NRG3: variants seen among roughly 807,000 people sequenced by gnomAD.
NRG3 encodes the protein neuregulin 3.
Under a neutral mutation model 66.9 loss-of-function variants are expected in NRG3, and 31 were observed. The observed-to-expected ratio is 0.46, with a 90% CI of 0.35 to 0.63. The LOEUF (loss-of-function observed/expected upper bound fraction) is 0.63. NRG3 is among the 20% of genes least tolerant of loss of function. The pLI is 0.00. For missense variants in NRG3, 910 were observed against 878.9 expected, an observed-to-expected ratio of 1.04 and a Z score of -0.45; for synonymous variants, 393 against 359.4, an observed-to-expected ratio of 1.09 and a Z score of -1.06.
intron 4 of NRG3, among the ~76,000 whole-genome samples, chr10:82,917,367 T>C (rs1194043339): frequency 6.6e-6 from 1 of 152,174 alleles, no homozygotes; most frequent in Non-Finnish European, 1.5e-5. Flanking sequence ...CACAATGAAG[T>C]CACAGGGATA....
At chr10:82,332,640 C>T (rs573025922) in intron 1 of NRG3, among the ~76,000 whole-genome samples, 3 of 152,172 alleles carry the variant, frequency 2.0e-5, no homozygotes, top group East Asian at 3.9e-4. Context: ...ATTCCTGTTT[C>T]GTGAATAAAT....
intron 3 of NRG3, among the ~76,000 whole-genome samples, chr10:82,750,042 C>T (rs2058801151): frequency 6.6e-6 from 1 of 152,146 alleles, no homozygotes; most frequent in South Asian, 2.1e-4. Context: ...CAGAGGAAAA[C>T]CATAATCATT....
chr10:82,720,810 CATAT>C (rs5786567), intron 2 of NRG3, among the ~76,000 whole-genome samples: 1,344 of 114,742 alleles, frequency 0.012, 65 homozygotes, highest in African/African-American at 0.056. Flanking sequence ...GTATTTTATA[CATAT>C]ATATATATAT....
chr10:82,796,594 G>A (rs188824154), intron 3 of NRG3, among the ~76,000 whole-genome samples: 266 of 152,188 alleles, frequency 1.7e-3, no homozygotes, highest in Non-Finnish European at 2.1e-3. Flanking sequence ...GAGAGGGGGA[G>A]GCAAAGAAAA....
At chr10:82,051,150 A>G (rs958147556) in intron 1 of NRG3, among the ~76,000 whole-genome samples, 1 of 152,100 alleles carries the variant, frequency 6.6e-6, no homozygotes, top group Non-Finnish European at 1.5e-5. Flanking sequence ...CCAGCAAACT[A>G]TAGTTAGTAA....
intron 6 of NRG3, among the ~76,000 whole-genome samples, chr10:82,972,719 A>G (rs1226263235): frequency 6.6e-6 from 1 of 152,194 alleles, no homozygotes; most frequent in Non-Finnish European, 1.5e-5. Context: ...TACCTGGATC[A>G]AGTGCATTAA....
chr10:82,056,707 T>C (rs952202656), intron 1 of NRG3, among the ~76,000 whole-genome samples: 2 of 152,200 alleles, frequency 1.3e-5, no homozygotes, highest in Admixed American at 1.3e-4. Flanking sequence ...TTTGTTTAAA[T>C]AGAAATGTTT....
chr10:82,809,988 T>A (rs1006450171), intron 3 of NRG3, among the ~76,000 whole-genome samples: 1 of 152,058 alleles, frequency 6.6e-6, no homozygotes, highest in African/African-American at 2.4e-5. Flanking sequence ...TCTGCTCTTG[T>A]GAAAGCCAAC....
intron 4 of NRG3, among the ~76,000 whole-genome samples, chr10:82,929,118 C>T (rs1438981028): frequency 2.0e-5 from 3 of 152,140 alleles, no homozygotes; most frequent in Non-Finnish European, 4.4e-5. Flanking sequence ...GAGAATGGCA[C>T]TCTCATCACA....
chr10:82,744,087 C>T (rs2058543358), intron 3 of NRG3, among the ~76,000 whole-genome samples: 1 of 152,096 alleles, frequency 6.6e-6, no homozygotes, highest in African/African-American at 2.4e-5. Flanking sequence ...AGTGATGGCC[C>T]TCAGCAGAGC....
chr10:82,947,403 T>C (rs962271735), intron 4 of NRG3, among the ~76,000 whole-genome samples: 7 of 152,144 alleles, frequency 4.6e-5, no homozygotes, highest in African/African-American at 1.7e-4. Flanking sequence ...CTATTAAAAA[T>C]AAAGTTTCTA....
At chr10:82,756,504 C>G (rs1273617543) in intron 3 of NRG3, among the ~76,000 whole-genome samples, 6 of 152,096 alleles carry the variant, frequency 3.9e-5, no homozygotes, top group Non-Finnish European at 8.8e-5. Context: ...GTAGTATACA[C>G]TAACTGCAAT....
intron 1 of NRG3, among the ~76,000 whole-genome samples, chr10:81,979,937 C>CA (rs1196568238): frequency 2.6e-5 from 4 of 152,076 alleles, no homozygotes; most frequent in African/African-American, 9.7e-5. Flanking sequence ...AATATAGGAA[C>CA]AAAAAATCAA....
chr10:82,617,858 A>G (rs984306853), intron 2 of NRG3, among the ~76,000 whole-genome samples: 1 of 152,154 alleles, frequency 6.6e-6, no homozygotes, highest in South Asian at 2.1e-4. Flanking sequence ...AAATGCGTCT[A>G]ATGTGCTGTG....
intron 2 of NRG3, among the ~76,000 whole-genome samples, chr10:82,579,840 CTTAT>C (rs1336539356): frequency 6.6e-6 from 1 of 151,854 alleles, no homozygotes; most frequent in Admixed American, 6.6e-5. Flanking sequence ...GGGAAAAAAT[CTTAT>C]TTATCTGTAT....
At chr10:82,715,333 G>C (rs1011568491) in intron 2 of NRG3, among the ~76,000 whole-genome samples, 10 of 152,164 alleles carry the variant, frequency 6.6e-5, no homozygotes, top group African/African-American at 2.4e-4. Context: ...GGAGGCAGAG[G>C]TTGCAGTGAG....
At chr10:82,922,393 T>C (rs775454049) in intron 4 of NRG3, among the ~76,000 whole-genome samples, 8 of 152,160 alleles carry the variant, frequency 5.3e-5, no homozygotes, top group Non-Finnish European at 2.9e-5. Flanking sequence ...TTCTTCCAAC[T>C]TTTTTGGTGC....
rs35732700 is a variant in NRG3, at chr10:82,772,302, T to TTTCATTCA, written c.1027+33682_1027+33689dup. On this transcript the variant is annotated intron_variant, in intron 3 of 8. Coordinates refer to ENST00000372141, the MANE Select transcript of NRG3 (RefSeq NM_001010848.4). The stretch of plus-strand genomic sequence containing the variant: ...AGGAGTCAGAAAACATATAGTTACT[T>TTTCATTCA]TTCATTCATTCATTCATTCATTCAT... Among the ~76,000 whole-genome samples, 486 of 150,626 alleles carry TTTCATTCA rather than the reference T, an allele frequency of 3.2e-3. 2 individuals are homozygous for TTTCATTCA. Among genetic ancestry groups the TTTCATTCA allele is most frequent in the Non-Finnish European group, 4.2e-3 (286 of 67,690 alleles).
chr10:82,705,302 G>A (rs956564360), intron 2 of NRG3, among the ~76,000 whole-genome samples: 10 of 152,162 alleles, frequency 6.6e-5, no homozygotes, highest in Non-Finnish European at 1.0e-4. Context: ...GTGGCCAAGT[G>A]TCTGCTTTGC....
Sources: gnomAD v4.1 joint callset for allele counts (sites outside exome capture counted in the v4.1 genomes callset) on GRCh38, gnomAD v4.1.1 for gene constraint, MANE v1.5 for transcripts, NCBI Gene and HGNC (gene_info 2026-07-23, HGNC 2026-07-21) for gene names.